The following RALYL variants were observed in gnomAD, a reference collection of about 807,000 sequenced individuals.
The protein encoded by RALYL is RALY RNA binding protein like, also known as RNA-binding Raly-like protein.
In RALYL, 29 loss-of-function variants were observed where a neutral mutation model predicts 35.1. That is an observed-to-expected ratio of 0.83 (90% CI 0.61 to 1.13). RALYL has a LOEUF of 1.13. RALYL is among the 50% of genes most tolerant of loss of function. The pLI is 0.00. For synonymous variants in RALYL, 120 were observed against 127.6 expected (o/e 0.94, Z 0.40); for missense variants, 359 against 360.4 (o/e 1.00, Z 0.03).
At chr8:84,656,797 G>A (rs1049718128) in intron 2 of RALYL, among the ~76,000 whole-genome samples, 13 of 151,916 alleles carry the variant, frequency 8.6e-5, no homozygotes, top group South Asian at 2.1e-4. Context: ...ATTTTAAAAT[G>A]CATTGGGTTT....
intron 2 of RALYL, among the ~76,000 whole-genome samples, chr8:84,590,572 G>T (rs895999735): frequency 6.6e-6 from 1 of 152,120 alleles, no homozygotes; most frequent in Non-Finnish European, 1.5e-5. Context: ...TTTGAAGGAC[G>T]CTCATGTGGA....
chr8:84,719,264 C>A (rs1051353244), intron 2 of RALYL, among the ~76,000 whole-genome samples: 7 of 152,156 alleles, frequency 4.6e-5, no homozygotes, highest in Admixed American at 2.6e-4. Flanking sequence ...GAAGGATAAA[C>A]AGAACGGATT....
chr8:84,654,298 T>TAC (rs1406200140), intron 2 of RALYL, among the ~76,000 whole-genome samples: 14 of 117,104 alleles, frequency 1.2e-4, no homozygotes, highest in African/African-American at 5.0e-4. Flanking sequence ...TATATATATA[T>TAC]ATATATATAT....
chr8:84,919,743 A>T (rs1849033673), intron 8 of RALYL, among the ~76,000 whole-genome samples: 2 of 152,088 alleles, frequency 1.3e-5, no homozygotes, highest in South Asian at 4.1e-4. Flanking sequence ...ATAAGTTTTT[A>T]AATGTGTCTG....
chr8:84,407,842 A>T lies in RALYL; in HGVS notation c.-23-121457A>T, dbSNP rs146708450. 3.1e-3 allele frequency among the ~76,000 whole-genome samples: 466 copies of T among 152,214 alleles called. 2 individuals are homozygous for T. Among genetic ancestry groups the T allele is most frequent in the African/African-American group, 9.9e-3 (413 of 41,552 alleles). ...TATGAAACAGGCTTAGCATCATCTC[A>T]ATTTTCATAGCAACCCTATTAATTA... On this transcript the variant is annotated intron_variant, in intron 1 of 8. Coordinates refer to ENST00000521268, the MANE Select transcript of RALYL (RefSeq NM_173848.7).
chr8:84,469,384 C>T (rs1411053740), intron 1 of RALYL, among the ~76,000 whole-genome samples: 1 of 152,048 alleles, frequency 6.6e-6, no homozygotes, highest in Non-Finnish European at 1.5e-5. Flanking sequence ...AGCTGCAGGT[C>T]TGTTGGAGTA....
chr8:84,333,710 C>G (rs1011829933), intron 1 of RALYL, among the ~76,000 whole-genome samples: 2 of 152,128 alleles, frequency 1.3e-5, no homozygotes, highest in African/African-American at 4.8e-5. Flanking sequence ...TTGAGTCACA[C>G]AGCTTAGGTG....
At chr8:84,577,846 C>T (rs1257605357) in intron 2 of RALYL, among the ~76,000 whole-genome samples, 1 of 152,122 alleles carries the variant, frequency 6.6e-6, no homozygotes, top group African/African-American at 2.4e-5. Flanking sequence ...ATATCCTAAG[C>T]CAATCAAGAT....
intron 1 of RALYL, among the ~76,000 whole-genome samples, chr8:84,255,534 G>A (rs923520922): frequency 1.3e-5 from 2 of 152,084 alleles, no homozygotes; most frequent in African/African-American, 4.8e-5. Context: ...GGAAGTTAGT[G>A]CAAATTTTTC....
At chr8:84,683,192 C>G (rs1588984057) in intron 2 of RALYL, among the ~76,000 whole-genome samples, 1 of 152,200 alleles carries the variant, frequency 6.6e-6, no homozygotes, top group East Asian at 1.9e-4. Flanking sequence ...TTTGATTGCA[C>G]TGTGGTCTGA....
intron 1 of RALYL, among the ~76,000 whole-genome samples, chr8:84,396,163 C>A (rs1861709112): frequency 6.6e-6 from 1 of 151,880 alleles, no homozygotes; most frequent in Non-Finnish European, 1.5e-5. Flanking sequence ...TTGTTGTATG[C>A]ATCCAGATTA....
intron 2 of RALYL, among the ~76,000 whole-genome samples, chr8:84,552,159 A>C (rs1023067811): frequency 6.6e-6 from 1 of 151,280 alleles, no homozygotes; most frequent in African/African-American, 2.4e-5. Flanking sequence ...AAAATGAAAA[A>C]GAACAGTGAG....
chr8:84,270,405 A>G (rs1342935214), intron 1 of RALYL, among the ~76,000 whole-genome samples: 1 of 152,226 alleles, frequency 6.6e-6, no homozygotes, highest in East Asian at 1.9e-4. Context: ...TTTAAGATGC[A>G]TTTGTAAACA....
At chr8:84,863,575 G>T (rs1468539450) in intron 6 of RALYL, among the ~76,000 whole-genome samples, 1 of 152,158 alleles carries the variant, frequency 6.6e-6, no homozygotes, top group African/African-American at 2.4e-5. Context: ...AAGTCATATA[G>T]CTAATAGACA....
intron 2 of RALYL, among the ~76,000 whole-genome samples, chr8:84,684,007 G>A (rs1347927321): frequency 6.6e-6 from 1 of 152,078 alleles, no homozygotes; most frequent in Non-Finnish European, 1.5e-5. Context: ...GCTGTAGCTG[G>A]TATGTTTTTG....
At chr8:84,275,958 A>T (rs752952533) in intron 1 of RALYL, among the ~76,000 whole-genome samples, 6 of 152,054 alleles carry the variant, frequency 3.9e-5, no homozygotes, top group Non-Finnish European at 8.8e-5. Flanking sequence ...CTAATTTTTA[A>T]AAAAAATATA....
chr8:84,418,470 G>A (rs1377586599), intron 1 of RALYL, among the ~76,000 whole-genome samples: 1 of 152,104 alleles, frequency 6.6e-6, no homozygotes, highest in Non-Finnish European at 1.5e-5. Context: ...AATTAGTTTA[G>A]CAGGAGGATG....
At chr8:84,229,377 C>T (rs546662375) in intron 1 of RALYL, among the ~76,000 whole-genome samples, 8 of 152,156 alleles carry the variant, frequency 5.3e-5, no homozygotes, top group Non-Finnish European at 1.0e-4. Context: ...AATATCTGAA[C>T]ATGTAGAATG....
At chr8:84,814,112 A>C (rs1826584832) in intron 4 of RALYL, among the ~76,000 whole-genome samples, 1 of 152,178 alleles carries the variant, frequency 6.6e-6, no homozygotes, top group Non-Finnish European at 1.5e-5. Context: ...GGAGATTAAA[A>C]GATTTAGATA....
Sources: gnomAD v4.1 joint callset for allele counts (sites outside exome capture counted in the v4.1 genomes callset) on GRCh38, gnomAD v4.1.1 for gene constraint, MANE v1.5 for transcripts, NCBI Gene and HGNC (gene_info 2026-07-23, HGNC 2026-07-21) for gene names.